Variants in MTHFS observed in about 807,000 individuals in gnomAD.
MTHFS encodes the protein 5-formyltetrahydrofolate cyclo-ligase.
Under a neutral mutation model 12.7 loss-of-function variants are expected in MTHFS, and 7 were observed. The observed-to-expected ratio is 0.55, with a 90% confidence interval of 0.31 to 1.03. MTHFS has a LOEUF of 1.03. MTHFS is among the 50% of genes least tolerant of loss of function. MTHFS has a pLI of 0.05. For missense variants in MTHFS, 252 were observed against 258.1 expected (o/e 0.98, Z 0.16); for synonymous variants, 100 against 97.1 (o/e 1.03, Z -0.18).
Position 79,857,078 on chromosome 15 carries a change from C to A in MTHFS, c.380-11636G>T, listed in dbSNP as rs536828674. 7.2e-5 allele frequency among the ~76,000 whole-genome samples: 11 copies of A among 152,054 alleles called. No homozygotes were observed. In the East Asian group the frequency reaches 2.1e-3, roughly 29 times the overall value. On this transcript the variant is annotated intron_variant, in intron 2 of 2. Coordinates refer to ENST00000258874, the MANE Select transcript of MTHFS (RefSeq NM_006441.4). ...TAGCACGATCTCGGCTCACTGCAAC[C>A]TCCGCCTCCCGGGTTCAAGCCATTC...
At chr15:79,887,154 G>A (rs6495454) in intron 2 of MTHFS, among the ~76,000 whole-genome samples, 53,585 of 151,954 alleles carry the variant, frequency 0.35, 9,580 homozygotes, top group South Asian at 0.49. Flanking sequence ...GAACCCAGGC[G>A]GTGGAAGTTG....
intron 2 of MTHFS, among the ~76,000 whole-genome samples, chr15:79,861,596 C>T (rs2033914602): frequency 6.6e-6 from 1 of 152,062 alleles, no homozygotes; most frequent in Non-Finnish European, 1.5e-5. Context: ...GATGTTGATC[C>T]CATGGACTTA....
intron 2 of MTHFS, among the ~76,000 whole-genome samples, chr15:79,874,015 A>G (rs1427023485): frequency 6.6e-6 from 1 of 152,222 alleles, no homozygotes; most frequent in Non-Finnish European, 1.5e-5. Flanking sequence ...ACAGCCAAGG[A>G]CAACTAGAGA....
intron 2 of MTHFS, among the ~76,000 whole-genome samples, chr15:79,883,204 T>C (rs2034325782): frequency 6.6e-6 from 1 of 152,220 alleles, no homozygotes; most frequent in Admixed American, 6.5e-5. Context: ...ACCTTGTCTC[T>C]AAAAACAACA....
At chr15:79,866,484 G>A (rs1221962239) in intron 2 of MTHFS, among the ~76,000 whole-genome samples, 6 of 152,162 alleles carry the variant, frequency 3.9e-5, no homozygotes, top group African/African-American at 1.4e-4. Context: ...CAAATAAAAA[G>A]GGAGCTGATG....
At chr15:79,886,038 C>T (rs1028443369) in intron 2 of MTHFS, among the ~76,000 whole-genome samples, 2 of 152,178 alleles carry the variant, frequency 1.3e-5, no homozygotes, top group African/African-American at 2.4e-5. Context: ...GGAAAGAATC[C>T]GACCCTCGAT....
Position 79,870,241 on chromosome 15 carries a change from G to C in MTHFS, c.379+18852C>G, listed in dbSNP as rs1021001891. ...TCTAGAACACAGGTCACAAACTATAGCCCTAAGACTAAATCTGGTCTGTTG... is the reference window on the plus strand; with the variant it reads ...TCTAGAACACAGGTCACAAACTATACCCCTAAGACTAAATCTGGTCTGTTG... On this transcript the variant is annotated intron_variant, in intron 2 of 2. Coordinates refer to ENST00000258874, the MANE Select transcript of MTHFS (RefSeq NM_006441.4). Among the ~76,000 whole-genome samples, 5 of 152,256 alleles carry C rather than the reference G, an allele frequency of 3.3e-5. No homozygotes were observed. In the South Asian group the frequency reaches 8.3e-4, roughly 25 times the overall value.
intron 2 of MTHFS, among the ~76,000 whole-genome samples, chr15:79,867,738 GAGA>G (rs1286926417): frequency 1.3e-5 from 2 of 152,126 alleles, no homozygotes; most frequent in Non-Finnish European, 2.9e-5. Flanking sequence ...TAATGTTTTA[GAGA>G]AAGTTTCTAT....
intron 2 of MTHFS, among the ~76,000 whole-genome samples, chr15:79,851,588 A>G (rs913375766): frequency 2.6e-5 from 4 of 152,314 alleles, no homozygotes; most frequent in Admixed American, 2.0e-4. Context: ...TGGAAAGAGA[A>G]GGATGAATAA....
intron 1 of MTHFS, among the ~76,000 whole-genome samples, chr15:79,894,118 C>T (rs546642056): frequency 1.3e-5 from 2 of 152,338 alleles, no homozygotes; most frequent in African/African-American, 4.8e-5. Context: ...GGCACAGTGG[C>T]TCACGCCTGT....
Position 79,844,596 on chromosome 15 carries a change from A to G in MTHFS, c.*614T>C, listed in dbSNP as rs1400054535. 6.6e-6 allele frequency among the ~76,000 whole-genome samples: 1 copy of G among 152,204 alleles called. No homozygotes were observed. Among genetic ancestry groups the G allele is most frequent in the Non-Finnish European group, 1.5e-5 (1 of 68,026 alleles). ...TAAGATACTAGATCTTAAACTCATC[A>G]AGGGCTGATACATGCAGTGATGGTA... is the stretch of plus-strand genomic sequence containing the variant. On this transcript the variant is annotated 3_prime_UTR_variant, in exon 3 of 3. Transcript: ENST00000258874.
At position 79,845,094 on chromosome 15, in the gene MTHFS, G is replaced by T; in HGVS notation, c.*116C>A. ...TATTTCATAATTACAATTTTAAAATGCAGTCTGTATTCACATTAATGAACA... is the reference window on the plus strand; with the variant it reads ...TATTTCATAATTACAATTTTAAAATTCAGTCTGTATTCACATTAATGAACA... On this transcript the variant is annotated 3_prime_UTR_variant, in exon 3 of 3. Transcript: ENST00000258874. The T allele has an allele frequency of 7.7e-7, 1 of 1,302,224 alleles. No homozygotes were observed. The highest frequency in any genetic ancestry group is 1.0e-6 in the Non-Finnish European group (1 of 958,884). 80.7% of individuals were successfully genotyped at this position (1,302,224 alleles called of 1,614,324 possible).
At chr15:79,857,558 A>G (rs1394947719) in intron 2 of MTHFS, among the ~76,000 whole-genome samples, 1 of 152,204 alleles carries the variant, frequency 6.6e-6, no homozygotes, top group Admixed American at 6.5e-5. Flanking sequence ...TCTAGAACAA[A>G]TTCTATTACA....
chr15:79,876,102 A>T (rs2034190315), intron 2 of MTHFS: 1 of 152,154 alleles, frequency 6.6e-6, no homozygotes, highest in Admixed American at 6.5e-5. Context: ...CAAAAAGTAA[A>T]TCAGAATCCA....
chr15:79,857,810 T>C (rs751034180), intron 2 of MTHFS, among the ~76,000 whole-genome samples: 15 of 151,552 alleles, frequency 9.9e-5, no homozygotes. Context: ...AGGTCAGGAG[T>C]TCGAGACCAG....
rs772020026 is a variant in MTHFS at position 79,845,469 on chromosome 15, AGGATTAATTGTTTCTGAAAG to A, written c.380-47_380-28del. 3.7e-6 allele frequency: 6 copies of A among 1,606,580 alleles called. No homozygotes were observed. The Admixed American group carries it at 8.4e-5, about 23-fold the overall frequency. The stretch of plus-strand genomic sequence containing the variant: ...TGCGGAAAAGAGGAACAAATTTAAG[AGGATTAATTGTTTCTGAAAG>A]ATCATTTCAGGATGTGTTTTTTGTT... On this transcript the variant is annotated intron_variant, in intron 2 of 2. Transcript: ENST00000258874.
At chr15:79,846,429 C>G (rs1416939447) in intron 2 of MTHFS, among the ~76,000 whole-genome samples, 1 of 152,184 alleles carries the variant, frequency 6.6e-6, no homozygotes, top group African/African-American at 2.4e-5. Flanking sequence ...CATTTGCTGG[C>G]AAGATATACC....
At chr15:79,862,666 A>G (rs2033938632) in intron 2 of MTHFS, among the ~76,000 whole-genome samples, 3 of 152,212 alleles carry the variant, frequency 2.0e-5, no homozygotes, top group Non-Finnish European at 4.4e-5. Flanking sequence ...GCAAATTAAT[A>G]TCCATTTCTA....
chr15:79,889,211 G>T lies in MTHFS; in HGVS notation c.261C>A (p.Ser87Arg). 2 of 1,614,164 alleles carry T rather than the reference G, an allele frequency of 1.2e-6. No homozygotes were observed. The highest frequency in any genetic ancestry group is 8.5e-7 in the Non-Finnish European group (1 of 1,180,026). Residue 87 changes from serine to arginine, a missense_variant, in exon 2 of 3, where the codon AGC (serine) becomes AGA (arginine). Coordinates refer to ENST00000258874, the MANE Select transcript of MTHFS (RefSeq NM_006441.4). ...ICFIPRYRFQ[S>R]NHMDMVRIES... ...CTATTCTCACCATATCCATGTGATT[G>T]CTCTGGAACCGGTACCGAGGGATGA...
Sources: allele counts gnomAD v4.1 joint callset (sites outside exome capture counted in the v4.1 genomes callset), GRCh38; gene constraint gnomAD v4.1.1; transcripts MANE v1.5; gene names NCBI Gene and HGNC (gene_info 2026-07-23, HGNC 2026-07-21).